Variants in COP1 observed in about 807,000 individuals in gnomAD.
The protein encoded by COP1 is COP1 E3 ubiquitin ligase.
Under a neutral mutation model 101.3 loss-of-function variants are expected in COP1, and 24 were observed. That is an observed-to-expected ratio of 0.24 (90% CI 0.17 to 0.33). COP1 has a LOEUF of 0.33. Among genes scored for constraint, COP1 ranks in the 10% least tolerant of loss-of-function variants. COP1 has a pLI of 1.00. For missense variants in COP1, 663 were observed against 906.2 expected, an observed-to-expected ratio of 0.73 and a Z score of 3.45; for synonymous variants, 347 against 341.9, an observed-to-expected ratio of 1.01 and a Z score of -0.17.
intron 18 of COP1, among the ~76,000 whole-genome samples, chr1:175,976,045 T>C (rs1396291721): frequency 1.1e-5 from 1 of 89,610 alleles, no homozygotes; most frequent in South Asian, 4.2e-4. Flanking sequence ...TCCAGTAATA[T>C]GTAAAAGATG....
Position 176,149,024 on chromosome 1 carries a change from T to C in COP1, c.813A>G (p.Ala271=), listed in dbSNP as rs1302121603. 2.8e-5 allele frequency: 45 copies of C among 1,584,078 alleles called. No homozygotes were observed. The highest frequency in any genetic ancestry group is 1.4e-4 in the East Asian group (6 of 44,284). The change falls in exon 6 of 20, where the codon GCA becomes GCG. Residue 271 remains alanine, a synonymous_variant. Coordinates refer to ENST00000367669, the MANE Select transcript of COP1 (RefSeq NM_022457.7). ...AATATACCTCTCTCTTATTTCTTCTTGCAACCTTGAGGAATTCCATAAGAA... is the reference window on the plus strand; with the variant it reads ...AATATACCTCTCTCTTATTTCTTCTCGCAACCTTGAGGAATTCCATAAGAA... ...LQILMEFLKV[A]RRNKREQLEQ...
chr1:176,056,975 T>C (rs558659269), intron 11 of COP1, among the ~76,000 whole-genome samples: 6 of 152,314 alleles, frequency 3.9e-5, no homozygotes, highest in African/African-American at 1.4e-4. Flanking sequence ...ACTCATCATA[T>C]TCACTGTCTC....
intron 18 of COP1, among the ~76,000 whole-genome samples, chr1:175,950,462 T>C (rs998483173): frequency 6.6e-6 from 1 of 152,144 alleles, no homozygotes; most frequent in African/African-American, 2.4e-5. Flanking sequence ...AGCATAGAGA[T>C]GTGGAAGTGG....
At chr1:176,126,539 C>T (rs2149673949) in intron 8 of COP1, among the ~76,000 whole-genome samples, 1 of 152,254 alleles carries the variant, frequency 6.6e-6, no homozygotes, top group African/African-American at 2.4e-5. Flanking sequence ...TCACTGCAAC[C>T]TCTGCCTCCC....
intron 2 of COP1, among the ~76,000 whole-genome samples, chr1:176,178,104 A>G (rs1399862470): frequency 6.6e-6 from 1 of 152,204 alleles, no homozygotes; most frequent in Non-Finnish European, 1.5e-5. Flanking sequence ...AATTTCCTAC[A>G]TGGAAATTTC....
intron 2 of COP1, among the ~76,000 whole-genome samples, chr1:176,179,782 A>C (rs890484644): frequency 6.6e-6 from 1 of 152,050 alleles, no homozygotes; most frequent in African/African-American, 2.4e-5. Flanking sequence ...AATTATTCCA[A>C]AATCTAGTAG....
chr1:176,012,189 A>T (rs1466850975), intron 15 of COP1, among the ~76,000 whole-genome samples: 2 of 152,190 alleles, frequency 1.3e-5, no homozygotes, highest in Non-Finnish European at 2.9e-5. Context: ...GTTGGAGAAC[A>T]GTGGTGCAAT....
At chr1:176,007,822 G>T (rs536048162) in intron 15 of COP1, among the ~76,000 whole-genome samples, 1 of 152,226 alleles carries the variant, frequency 6.6e-6, no homozygotes, top group Non-Finnish European at 1.5e-5. Flanking sequence ...GTCCCCAGAG[G>T]TGGAGCCTAC....
intron 15 of COP1, among the ~76,000 whole-genome samples, chr1:176,019,502 T>TAAC (rs1171446634): frequency 1.4e-5 from 2 of 140,052 alleles, no homozygotes; most frequent in African/African-American, 5.4e-5. Flanking sequence ...ATAATAATAA[T>TAAC]AATAACCATC....
intron 9 of COP1, among the ~76,000 whole-genome samples, chr1:176,092,756 G>A (rs1681559331): frequency 1.3e-5 from 2 of 152,204 alleles, no homozygotes; most frequent in African/African-American, 4.8e-5. Context: ...TGTAGTGGGA[G>A]TTTTAAATTG....
At position 176,045,203 on chromosome 1, in the gene COP1, C is replaced by T. The variant is rs563304888; in HGVS notation, c.1421+978G>A. On this transcript the variant is annotated intron_variant, in intron 12 of 19. Transcript: ENST00000367669. Reference sequence around the variant, plus strand: ...AACTATTTCATAGGTCTGCTAAAGACCAAGCACTTAGGATAATGCCTGATA... The same window carrying T: ...AACTATTTCATAGGTCTGCTAAAGATCAAGCACTTAGGATAATGCCTGATA... Among the ~76,000 whole-genome samples, 7 of 152,118 alleles carry T rather than the reference C, an allele frequency of 4.6e-5. No homozygotes were observed. The East Asian group carries it at 9.7e-4, about 21-fold the overall frequency.
intron 15 of COP1, among the ~76,000 whole-genome samples, chr1:176,021,286 C>T (rs964056035): frequency 6.6e-6 from 1 of 152,016 alleles, no homozygotes; most frequent in African/African-American, 2.4e-5. Flanking sequence ...TCCAGCATGC[C>T]CACACCAGAA....
chr1:176,145,998 G>C, intron 6 of COP1, among the ~76,000 whole-genome samples: 1 of 152,084 alleles, frequency 6.6e-6, no homozygotes, highest in East Asian at 1.9e-4. Flanking sequence ...TATAAATTTG[G>C]TTTATATACT....
At chr1:176,110,779 C>T (rs1685148227) in intron 9 of COP1, among the ~76,000 whole-genome samples, 1 of 152,182 alleles carries the variant, frequency 6.6e-6, no homozygotes, top group South Asian at 2.1e-4. Flanking sequence ...ATCTCAGCTC[C>T]CTCCTCTTAC....
intron 18 of COP1, among the ~76,000 whole-genome samples, chr1:175,972,733 T>G (rs1388157859): frequency 6.6e-6 from 1 of 152,082 alleles, no homozygotes; most frequent in Non-Finnish European, 1.5e-5. Context: ...CCCAAAATGC[T>G]GAAACTACAG....
At chr1:176,019,523 T>C (rs958308916) in intron 15 of COP1, among the ~76,000 whole-genome samples, 8 of 146,822 alleles carry the variant, frequency 5.4e-5, no homozygotes, top group African/African-American at 1.3e-4. Context: ...ATCATCATCA[T>C]CACTACTACT....
intron 18 of COP1, among the ~76,000 whole-genome samples, chr1:175,963,943 A>G (rs931145991): frequency 6.6e-6 from 1 of 152,244 alleles, no homozygotes; most frequent in Non-Finnish European, 1.5e-5. Context: ...TGAACTAAAA[A>G]CAAGTACAGT....
intron 17 of COP1, among the ~76,000 whole-genome samples, chr1:175,987,921 T>TTTC (rs1440194061): frequency 2.0e-5 from 3 of 152,178 alleles, no homozygotes; most frequent in Non-Finnish European, 4.4e-5. Flanking sequence ...GGAAAATGAA[T>TTTC]ATCAAGCTTA....
At chr1:175,983,056 T>C (rs1264141775) in intron 18 of COP1, among the ~76,000 whole-genome samples, 2 of 152,204 alleles carry the variant, frequency 1.3e-5, no homozygotes, top group Non-Finnish European at 2.9e-5. Flanking sequence ...AAAAAAAGCA[T>C]GTGAGATGAC....
Sources: allele counts gnomAD v4.1 joint callset (sites outside exome capture counted in the v4.1 genomes callset), GRCh38; gene constraint gnomAD v4.1.1; transcripts MANE v1.5; gene names NCBI Gene and HGNC (gene_info 2026-07-23, HGNC 2026-07-21).